Variants in RTF2 observed in about 807,000 individuals in gnomAD.
RTF2 encodes the protein UPF0549 protein C20orf43.
A neutral mutation model predicts 38.0 loss-of-function variants in RTF2; 18 were observed. The ratio of observed to expected loss-of-function variants is 0.47; its 90% confidence interval spans 0.33 to 0.70. The LOEUF (loss-of-function observed/expected upper bound fraction) is 0.70. RTF2 is among the 30% of genes least tolerant of loss of function. RTF2 has a pLI of 0.02. For missense variants in RTF2, 311 were observed against 379.6 expected (o/e 0.82, Z 1.50); for synonymous variants, 126 against 137.1 (o/e 0.92, Z 0.57).
At chr20:56,510,055 G>A (rs974782752) in intron 5 of RTF2, among the ~76,000 whole-genome samples, 2 of 152,104 alleles carry the variant, frequency 1.3e-5, no homozygotes, top group East Asian at 1.9e-4. Flanking sequence ...CAAATTTGTA[G>A]GATGGAAAGT....
At chr20:56,483,001 T>C (rs1033966888) in intron 4 of RTF2, among the ~76,000 whole-genome samples, 2 of 152,240 alleles carry the variant, frequency 1.3e-5, no homozygotes, top group African/African-American at 4.8e-5. Flanking sequence ...TTTTTCTTTC[T>C]GTTCTGTCCA....
chr20:56,517,568 G>T (rs764860587), intron 8 of RTF2, among the ~76,000 whole-genome samples: 5 of 152,166 alleles, frequency 3.3e-5, no homozygotes, highest in Admixed American at 6.6e-5. Context: ...TACTCTTGGG[G>T]CTTTCATGGG....
At chr20:56,488,839 T>C (rs1982929125) in intron 5 of RTF2, among the ~76,000 whole-genome samples, 1 of 152,230 alleles carries the variant, frequency 6.6e-6, no homozygotes, top group Non-Finnish European at 1.5e-5. Flanking sequence ...CTGCTTTCCC[T>C]TGGCCTCCCT....
chr20:56,485,452 G>A (rs1201002694), intron 5 of RTF2, among the ~76,000 whole-genome samples: 3 of 152,184 alleles, frequency 2.0e-5, no homozygotes, highest in African/African-American at 4.8e-5. Flanking sequence ...GATGTTATTC[G>A]AAGAGCAGCA....
At position 56,518,384 on chromosome 20, in the gene RTF2, G is replaced by A. The variant is rs972481013; in HGVS notation, c.*119G>A. 1.8e-5 allele frequency: 19 copies of A among 1,054,266 alleles called. No homozygotes were observed. Among genetic ancestry groups the A allele is most frequent in the Non-Finnish European group, 2.4e-5 (18 of 742,464 alleles). 65.3% of individuals were successfully genotyped at this position (1,054,266 alleles called of 1,614,324 possible). A position where few individuals can be genotyped will look rare whatever the true frequency, so the allele number is the denominator to read the frequency against. On this transcript the variant is annotated 3_prime_UTR_variant, in exon 9 of 9. Coordinates refer to ENST00000357348, the MANE Select transcript of RTF2 (RefSeq NM_016407.5). ...CTCTATAGTTCTGTGTCATAAAGCT[G>A]TCCTGGCCAGCCTTCAAGCTGGTGT...
chr20:56,474,615 C>A, intron 2 of RTF2, 63 bp from the exon 3 acceptor site: 1 of 1,029,598 alleles, frequency 9.7e-7, no homozygotes, highest in Non-Finnish European at 1.4e-6. Context: ...TCAGTTTATT[C>A]TTCCTTCTTT....
rs148571425 is a variant in RTF2, at chr20:56,484,174, G to A, written c.462G>A (p.Ala154=). 2.6e-5 allele frequency: 42 copies of A among 1,613,924 alleles called. No individual in the cohort carries two copies. The highest frequency in any genetic ancestry group is 3.1e-5 in the Non-Finnish European group (37 of 1,179,914). The part of the protein sequence containing the change: ...FSERALKEIK[A]EVCHTCGAAF... ...AGCGAGCCTTGAAAGAGATAAAAGC[G>A]GAAGTTTGCCACACGGTGAGTTCCT... Residue 154 remains alanine, a synonymous_variant, in exon 5 of 9, where the codon GCG becomes GCA. Coordinates refer to ENST00000357348, the MANE Select transcript of RTF2 (RefSeq NM_016407.5).
chr20:56,491,575 A>G (rs1281179997), intron 5 of RTF2: 6 of 1,549,438 alleles, frequency 3.9e-6, no homozygotes, highest in African/African-American at 2.7e-5. Context: ...TCAGTCTCAT[A>G]TTGAAATGAC....
At chr20:56,491,843 A>G (rs2146337519) in intron 5 of RTF2, 2 of 1,307,880 alleles carry the variant, frequency 1.5e-6, no homozygotes, top group Admixed American at 2.0e-5. Flanking sequence ...TTATTCACAC[A>G]CAGAAAGTGG....
At chr20:56,473,228 C>T in intron 1 of RTF2, 73 bp from the exon 2 acceptor site, 1 of 1,103,990 alleles carries the variant, frequency 9.1e-7, no homozygotes, top group Non-Finnish European at 1.4e-6. Flanking sequence ...ACTGAATATA[C>T]TTTTATATGT....
At chr20:56,484,904 C>T (rs1050862203) in intron 5 of RTF2, among the ~76,000 whole-genome samples, 1 of 151,952 alleles carries the variant, frequency 6.6e-6, no homozygotes, top group Non-Finnish European at 1.5e-5. Flanking sequence ...CCTGTATCAA[C>T]CCTGTTTGTA....
intron 5 of RTF2, 115 bp downstream of exon 5, chr20:56,484,304 C>A: frequency 1.1e-6 from 1 of 877,956 alleles, no homozygotes; most frequent in Non-Finnish European, 1.9e-6. Flanking sequence ...AGTTGCTTTT[C>A]TGCTTCCATG....
Position 56,505,267 on chromosome 20 carries a change from G to A in RTF2, c.478-8048G>A, listed in dbSNP as rs146246812. Among the ~76,000 whole-genome samples the A allele has an allele frequency of 2.9e-3, 434 of 152,096 alleles. 1 individual carries two copies. Among genetic ancestry groups the A allele is most frequent in the Non-Finnish European group, 4.4e-3 (301 of 67,998 alleles). On this transcript the variant is annotated intron_variant, in intron 5 of 8. Transcript: ENST00000357348. ...TTTGAGAGGCTGAGGTGGGAAGATT[G>A]CTTGAGGCTTGGAGTTTGAGACCAG... is the stretch of plus-strand genomic sequence containing the variant.
intron 5 of RTF2, among the ~76,000 whole-genome samples, chr20:56,494,954 G>A (rs578038064): frequency 7.2e-5 from 11 of 152,274 alleles, no homozygotes; most frequent in African/African-American, 2.4e-4. Flanking sequence ...AGCTGTTGGT[G>A]CAGAGGGTAT....
At chr20:56,481,057 A>G (rs1982502931) in intron 4 of RTF2, among the ~76,000 whole-genome samples, 1 of 152,200 alleles carries the variant, frequency 6.6e-6, no homozygotes, top group South Asian at 2.1e-4. Flanking sequence ...TAAAATAATC[A>G]CAATATCTGC....
intron 5 of RTF2, among the ~76,000 whole-genome samples, chr20:56,493,425 A>G (rs1427218483): frequency 6.6e-6 from 1 of 152,136 alleles, no homozygotes; most frequent in Non-Finnish European, 1.5e-5. Context: ...TGGGAGGCCA[A>G]AGTGGTAGGA....
At chr20:56,512,559 C>G (rs149863282) in intron 5 of RTF2, among the ~76,000 whole-genome samples, 210 of 152,308 alleles carry the variant, frequency 1.4e-3, no homozygotes, top group African/African-American at 4.9e-3. Context: ...GTTTCTACCA[C>G]CACAACACTG....
At chr20:56,500,307 G>T (rs2146352447) in intron 5 of RTF2, among the ~76,000 whole-genome samples, 1 of 152,342 alleles carries the variant, frequency 6.6e-6, no homozygotes, top group Non-Finnish European at 1.5e-5. Flanking sequence ...ACCTGCCTCA[G>T]CCTCCCAAAG....
chr20:56,478,280 G>A (rs1467026078), intron 4 of RTF2, among the ~76,000 whole-genome samples: 1 of 152,172 alleles, frequency 6.6e-6, no homozygotes, highest in Non-Finnish European at 1.5e-5. Context: ...CTAGAGGCTA[G>A]GAGTTAGAGA....
Sources: gnomAD v4.1 joint callset for allele counts (sites outside exome capture counted in the v4.1 genomes callset) on GRCh38, gnomAD v4.1.1 for gene constraint, MANE v1.5 for transcripts, NCBI Gene and HGNC (gene_info 2026-07-23, HGNC 2026-07-21) for gene names.